Variants in AKAP19 observed in about 807,000 individuals in gnomAD.
The protein encoded by AKAP19 is A-kinase anchoring protein 19.
chr2:189,885,111 C>A, the AKAP19 span, among the ~76,000 whole-genome samples: 1 of 152,154 alleles, frequency 6.6e-6, no homozygotes, highest in African/African-American at 2.4e-5. Flanking sequence ...GCCATCATTT[C>A]TTTATTGTAC....
the AKAP19 span, among the ~76,000 whole-genome samples, chr2:190,169,818 T>A: frequency 6.6e-6 from 1 of 152,202 alleles, no homozygotes; most frequent in Non-Finnish European, 1.5e-5. Flanking sequence ...AACAAATGGC[T>A]TTAAGTGGCA....
At chr2:189,893,330 A>C in the AKAP19 span, among the ~76,000 whole-genome samples, 8 of 152,042 alleles carry the variant, frequency 5.3e-5, no homozygotes, top group South Asian at 1.7e-3. Flanking sequence ...TGTGCTTGAA[A>C]CCCAGGGCCC....
chr2:190,002,606 C>T, the AKAP19 span, among the ~76,000 whole-genome samples: 1 of 152,064 alleles, frequency 6.6e-6, no homozygotes, highest in Non-Finnish European at 1.5e-5. Context: ...GTCTAGATAG[C>T]TTCAGCCTCT....
At chr2:189,971,132 A>G in the AKAP19 span, among the ~76,000 whole-genome samples, 16 of 149,862 alleles carry the variant, frequency 1.1e-4, no homozygotes, top group African/African-American at 2.7e-4. Flanking sequence ...ATCCCTCCCC[A>G]CTCCCCCAAC....
At chr2:189,958,289 A>T in the AKAP19 span, among the ~76,000 whole-genome samples, 33 of 151,988 alleles carry the variant, frequency 2.2e-4, no homozygotes, top group African/African-American at 7.2e-4. Context: ...AAAATACTCA[A>T]CCTCACTGTA....
At chr2:190,014,826 A>C in the AKAP19 span, among the ~76,000 whole-genome samples, 1 of 152,182 alleles carries the variant, frequency 6.6e-6, no homozygotes, top group African/African-American at 2.4e-5. Flanking sequence ...TGGCCAAAAC[A>C]AAGGGGCTAC....
At chr2:190,200,776 C>G in the AKAP19 span, 3 of 167,630 alleles carry the variant, frequency 1.8e-5, no homozygotes, top group African/African-American at 7.2e-5. Flanking sequence ...GTGCCTAAAG[C>G]CATCTTAGAG....
chr2:190,032,142 T>TC, the AKAP19 span, among the ~76,000 whole-genome samples: 3 of 152,338 alleles, frequency 2.0e-5, no homozygotes, highest in Admixed American at 6.5e-5. Flanking sequence ...GTCTATAGTT[T>TC]TCTGTTAAGG....
the AKAP19 span, among the ~76,000 whole-genome samples, chr2:189,961,737 C>G: frequency 2.0e-5 from 3 of 151,838 alleles, no homozygotes; most frequent in Admixed American, 6.6e-5. Flanking sequence ...ATAGTAGAAA[C>G]CCTGTCTCTA....
At chr2:189,964,458 C>A in the AKAP19 span, among the ~76,000 whole-genome samples, 1 of 152,190 alleles carries the variant, frequency 6.6e-6, no homozygotes, top group Non-Finnish European at 1.5e-5. Context: ...GTCAGCCTAT[C>A]CTTGAAAGCC....
chr2:190,126,214 C>A, the AKAP19 span, among the ~76,000 whole-genome samples: 1 of 132,144 alleles, frequency 7.6e-6, no homozygotes, highest in Non-Finnish European at 1.6e-5. Flanking sequence ...TTGCTTGAAT[C>A]CTGGAGGTGG....
chr2:190,108,886 A>G, the AKAP19 span, among the ~76,000 whole-genome samples: 2 of 152,044 alleles, frequency 1.3e-5, no homozygotes, highest in South Asian at 4.1e-4. Context: ...AACCTTAAAC[A>G]GAAGACTAAC....
the AKAP19 span, among the ~76,000 whole-genome samples, chr2:190,127,923 C>T: frequency 6.6e-6 from 1 of 151,584 alleles, no homozygotes; most frequent in Non-Finnish European, 1.5e-5. Context: ...TATAATGAAA[C>T]CCATCAACCT....
the AKAP19 span, among the ~76,000 whole-genome samples, chr2:189,883,978 T>G: frequency 1.3e-5 from 2 of 152,144 alleles, no homozygotes; most frequent in African/African-American, 2.4e-5. Flanking sequence ...AACTTAAATA[T>G]TCAGATAGAA....
chr2:190,012,872 C>A, the AKAP19 span, among the ~76,000 whole-genome samples: 3 of 152,070 alleles, frequency 2.0e-5, no homozygotes, highest in Non-Finnish European at 4.4e-5. Context: ...ATAAATATAT[C>A]ATTTTTGTCC....
chr2:190,114,741 C>T, the AKAP19 span, among the ~76,000 whole-genome samples: 1 of 152,192 alleles, frequency 6.6e-6, no homozygotes, highest in Non-Finnish European at 1.5e-5. Flanking sequence ...CAGGCTTGAG[C>T]CACCGCGCCC....
At chr2:189,955,415 C>T in the AKAP19 span, among the ~76,000 whole-genome samples, 3 of 152,070 alleles carry the variant, frequency 2.0e-5, no homozygotes, top group Admixed American at 6.6e-5. Flanking sequence ...GTGAATAGGG[C>T]TGTGATAAAC....
At chr2:190,199,785 CA>C in the AKAP19 span, 1 of 1,561,734 alleles carries the variant, frequency 6.4e-7, no homozygotes, top group African/African-American at 1.4e-5. Flanking sequence ...ATCACATGGA[CA>C]AATTTCATTG....
chr2:190,169,713 G>A, the AKAP19 span, among the ~76,000 whole-genome samples: 1 of 152,266 alleles, frequency 6.6e-6, no homozygotes, highest in South Asian at 2.1e-4. Context: ...TGCCTTTGGG[G>A]ACTCGGGTTA....
Sources: allele counts gnomAD v4.1 joint callset (sites outside exome capture counted in the v4.1 genomes callset), GRCh38; gene constraint gnomAD v4.1.1; transcripts MANE v1.5; gene names NCBI Gene and HGNC (gene_info 2026-07-23, HGNC 2026-07-21).